GRID2: variants seen among roughly 807,000 people sequenced by gnomAD.
GRID2 encodes the protein glutamate receptor ionotropic, delta-2.
GRID2 carries 33 observed loss-of-function variants against 114.8 expected under a neutral mutation model. The observed-to-expected ratio is 0.29, with a 90% CI of 0.22 to 0.38. The LOEUF is 0.38. GRID2 is among the 10% of genes least tolerant of loss of function. The pLI is 1.00. For missense variants in GRID2, 1,184 were observed against 1,257.7 expected (o/e 0.94, Z 0.89); for synonymous variants, 505 against 449.9 (o/e 1.12, Z -1.55).
At chr4:92,686,867 C>T (rs1272274026) in intron 2 of GRID2, among the ~76,000 whole-genome samples, 1 of 152,042 alleles carries the variant, frequency 6.6e-6, no homozygotes, top group Admixed American at 6.5e-5. Context: ...AAGTAGATCA[C>T]AGGTTTAATA....
chr4:92,577,023 A>G (rs897467548), intron 1 of GRID2, among the ~76,000 whole-genome samples: 1 of 152,112 alleles, frequency 6.6e-6, no homozygotes, highest in Non-Finnish European at 1.5e-5. Flanking sequence ...CATTTTCTAC[A>G]TATTTAATTG....
intron 12 of GRID2, among the ~76,000 whole-genome samples, chr4:93,505,884 T>C (rs1370023438): frequency 6.6e-6 from 1 of 152,148 alleles, no homozygotes; most frequent in Non-Finnish European, 1.5e-5. Flanking sequence ...TAGCTTGTAA[T>C]GTGGGTCAAT....
chr4:93,619,552 G>A (rs988597706), intron 13 of GRID2, among the ~76,000 whole-genome samples: 5 of 152,082 alleles, frequency 3.3e-5, no homozygotes, highest in Non-Finnish European at 5.9e-5. Flanking sequence ...TTATTCTCAG[G>A]CCTTTTCATT....
intron 2 of GRID2, among the ~76,000 whole-genome samples, chr4:92,732,770 A>G (rs925472394): frequency 1.6e-4 from 24 of 152,132 alleles, no homozygotes; most frequent in African/African-American, 5.8e-4. Context: ...AGGAGAACAT[A>G]CAGCTTTTTC....
At chr4:92,629,866 A>G (rs912374139) in intron 2 of GRID2, among the ~76,000 whole-genome samples, 1 of 147,766 alleles carries the variant, frequency 6.8e-6, no homozygotes, top group African/African-American at 2.5e-5. Flanking sequence ...AAGTAATTAT[A>G]TAATAAAATC....
At chr4:92,852,771 G>C (rs1743916985) in intron 2 of GRID2, among the ~76,000 whole-genome samples, 1 of 151,780 alleles carries the variant, frequency 6.6e-6, no homozygotes, top group African/African-American at 2.4e-5. Flanking sequence ...ATTATGAAGA[G>C]CCACACTATT....
chr4:93,135,753 GTT>G (rs1438019043), intron 4 of GRID2, among the ~76,000 whole-genome samples: 1 of 152,016 alleles, frequency 6.6e-6, no homozygotes, highest in African/African-American at 2.4e-5. Context: ...ATTTTGTTTT[GTT>G]TTTATTTCAG....
chr4:92,910,735 T>A (rs1748311590), intron 2 of GRID2, among the ~76,000 whole-genome samples: 1 of 152,088 alleles, frequency 6.6e-6, no homozygotes, highest in African/African-American at 2.4e-5. Context: ...TATAAAATGG[T>A]GTGGCACTTG....
chr4:92,337,656 G>T (rs563314741), intron 1 of GRID2, among the ~76,000 whole-genome samples: 1 of 152,242 alleles, frequency 6.6e-6, no homozygotes, highest in East Asian at 1.9e-4. Context: ...GATCTTGTAA[G>T]AACTCACTCA....
At chr4:92,582,530 A>C (rs1175833630) in intron 1 of GRID2, among the ~76,000 whole-genome samples, 1 of 152,018 alleles carries the variant, frequency 6.6e-6, no homozygotes, top group Non-Finnish European at 1.5e-5. Context: ...TAAATCACTG[A>C]GACAAATATT....
Position 93,773,323 on chromosome 4 carries a change from A to T in GRID2, c.*825A>T, listed in dbSNP as rs922734516. The stretch of plus-strand genomic sequence containing the variant: ...ATAAAGCTTTAGTTTAAACAAAAGT[A>T]TTGTATACAGGAACTATGTATAGTG... On this transcript the variant is annotated 3_prime_UTR_variant, in exon 16 of 16. Coordinates refer to ENST00000282020, the MANE Select transcript of GRID2 (RefSeq NM_001510.4). 3.3e-5 allele frequency: 5 copies of T among 152,152 alleles called. No homozygotes were observed. Among genetic ancestry groups the T allele is most frequent in the Non-Finnish European group, 5.9e-5 (4 of 68,008 alleles). 9.4% of individuals were successfully genotyped at this position (152,152 alleles called of 1,614,324 possible).
At chr4:93,140,877 C>G (rs1441088701) in intron 4 of GRID2, among the ~76,000 whole-genome samples, 2 of 152,160 alleles carry the variant, frequency 1.3e-5, no homozygotes, top group Non-Finnish European at 2.9e-5. Flanking sequence ...TGTTTTTGCA[C>G]TGGATCTCAT....
In GRID2 at chr4:93,769,467, T is replaced by A; in HGVS notation, c.2601+17T>A. The A allele has an allele frequency of 6.2e-7, 1 of 1,612,618 alleles. No homozygotes were observed. The highest frequency in any genetic ancestry group is 8.5e-7 in the Non-Finnish European group (1 of 1,179,404). On this transcript the variant is annotated intron_variant, in intron 15 of 15. Coordinates refer to ENST00000282020, the MANE Select transcript of GRID2 (RefSeq NM_001510.4). ...TCAAAAGAGGTACTTGATTGAGAGATTTGGCTCTAAATTGAATCAACAAGC... is the reference window on the plus strand; with the variant it reads ...TCAAAAGAGGTACTTGATTGAGAGAATTGGCTCTAAATTGAATCAACAAGC...
At chr4:93,137,939 T>TA (rs1735409098) in intron 4 of GRID2, among the ~76,000 whole-genome samples, 1 of 143,518 alleles carries the variant, frequency 7.0e-6, no homozygotes, top group South Asian at 2.3e-4. Flanking sequence ...ATTTTGAACA[T>TA]AAAAGTCTAG....
chr4:92,583,804 T>C (rs947246054), intron 1 of GRID2, among the ~76,000 whole-genome samples: 2 of 150,408 alleles, frequency 1.3e-5, no homozygotes, highest in Non-Finnish European at 3.0e-5. Flanking sequence ...GAGTATGTAA[T>C]AAATGTACCT....
chr4:93,006,374 C>T (rs1323956761), intron 2 of GRID2, among the ~76,000 whole-genome samples: 2 of 151,812 alleles, frequency 1.3e-5, no homozygotes, highest in East Asian at 3.9e-4. Flanking sequence ...AAATGAGAAT[C>T]CCATAGTGAT....
intron 14 of GRID2, among the ~76,000 whole-genome samples, chr4:93,686,534 G>A (rs1040121568): frequency 3.3e-5 from 5 of 151,882 alleles, no homozygotes; most frequent in African/African-American, 1.2e-4. Context: ...TTGCATTTCA[G>A]TGGTAAATTA....
intron 2 of GRID2, among the ~76,000 whole-genome samples, chr4:93,032,540 G>T (rs1345385397): frequency 6.6e-6 from 1 of 152,030 alleles, no homozygotes; most frequent in Non-Finnish European, 1.5e-5. Context: ...ATAAAATAGG[G>T]ATTTCTTAAC....
intron 2 of GRID2, among the ~76,000 whole-genome samples, chr4:92,691,416 C>T (rs570610187): frequency 9.8e-4 from 149 of 152,094 alleles, no homozygotes; most frequent in Admixed American, 1.8e-3. Flanking sequence ...AACCTTAGGG[C>T]CAGCACAGTG....
Sources: gnomAD v4.1 joint callset for allele counts (sites outside exome capture counted in the v4.1 genomes callset) on GRCh38, gnomAD v4.1.1 for gene constraint, MANE v1.5 for transcripts, NCBI Gene and HGNC (gene_info 2026-07-23, HGNC 2026-07-21) for gene names.